The following POLE variants were observed in gnomAD, a reference collection of about 807,000 sequenced individuals.
The protein encoded by POLE is DNA polymerase epsilon catalytic subunit A.
Under a neutral mutation model 279.2 loss-of-function variants are expected in POLE, and 188 were observed. The ratio of observed to expected loss-of-function variants is 0.67; its 90% confidence interval spans 0.60 to 0.76. POLE has a LOEUF of 0.76. Ranked by LOEUF, POLE falls within the 30% of genes least tolerant of loss-of-function variation. The probability of loss-of-function intolerance (pLI) is 0.00; values close to 1 mark genes in which losing one functional copy is unlikely to be tolerated. For synonymous variants in POLE, 1,214 were observed against 1,172.5 expected, an observed-to-expected ratio of 1.04 and a Z score of -0.72; for missense variants, 2,703 against 3,016.7, an observed-to-expected ratio of 0.90 and a Z score of 2.44.
chr12:132,629,474 G>A lies in POLE; in HGVS notation c.6330+2841C>T, dbSNP rs543398560. ...CCCAGACAGATCTTCTGGAGAACTCGCTGCAGCCTCTCCACCCGCACCTGT... is the reference window on the plus strand; with the variant it reads ...CCCAGACAGATCTTCTGGAGAACTCACTGCAGCCTCTCCACCCGCACCTGT... On this transcript the variant is annotated intron_variant, in intron 45 of 48. Transcript: ENST00000320574. Among the ~76,000 whole-genome samples, 114 of 152,316 alleles carry A rather than the reference G, an allele frequency of 7.5e-4. 1 individual carries two copies. The highest frequency in any genetic ancestry group is 2.6e-3 in the African/African-American group (107 of 41,582).
Position 132,642,282 on chromosome 12 carries a change from C to G in POLE, c.5068G>C (p.Ala1690Pro), listed in dbSNP as rs757148947. The change falls in exon 38 of 49, where the codon GCC becomes CCC. Residue 1690 changes from alanine (A) to proline (P), a missense_variant. By Grantham distance (27) the Ala-to-Pro change is conservative (BLOSUM62 -1). This residue lies in a region of POLE where 1,551 missense variants were observed against 1,686.1 expected (regional missense o/e 0.92). Coordinates refer to ENST00000320574, the MANE Select transcript of POLE (RefSeq NM_006231.4). Reference sequence around the variant, plus strand: ...TCCTTTCCACCCAGGTCAGGGCGGGCTGTAGGGGACAGCCAGAGCAGGTGG... The same window carrying G: ...TCCTTTCCACCCAGGTCAGGGCGGGGTGTAGGGGACAGCCAGAGCAGGTGG... Reference protein sequence around the residue: ...HNHLLWLSPTARPDLGGKEAD... With the variant: ...HNHLLWLSPTPRPDLGGKEAD... 1 of 1,608,800 alleles carries G rather than the reference C, an allele frequency of 6.2e-7. No homozygotes were observed. Among genetic ancestry groups the G allele is most frequent in the Non-Finnish European group, 8.5e-7 (1 of 1,177,812 alleles).
At chr12:132,643,143 G>A in intron 35 of POLE, 81 bp downstream of exon 35, 1 of 1,507,944 alleles carries the variant, frequency 6.6e-7, no homozygotes, top group Non-Finnish European at 9.1e-7. Flanking sequence ...AGACCTGGAG[G>A]GCCTGGGCAC....
Position 132,682,066 on chromosome 12 carries a change from C to T in POLE, c.63-787G>A, listed in dbSNP as rs556052914. ...ATCCCAGCACCGTGGGAGGCCGAGG[C>T]GGGCGGATCACGAGGTGAGGAGATC... On this transcript the variant is annotated intron_variant, in intron 1 of 48. Transcript: ENST00000320574. Among the ~76,000 whole-genome samples the T allele has an allele frequency of 1.5e-3, 227 of 152,146 alleles. 1 individual carries two copies. Among genetic ancestry groups the T allele is most frequent in the Non-Finnish European group, 2.8e-3 (189 of 68,012 alleles).
At chr12:132,676,790 A>ACATC in intron 8 of POLE, 137 bp from the exon 9 acceptor site, 1 of 633,622 alleles carries the variant, frequency 1.6e-6, no homozygotes, top group Non-Finnish European at 2.8e-6. Context: ...GAAGGACCCT[A>ACATC]AGACTAACCA....
At chr12:132,650,135 G>A (rs2042390009) in intron 29 of POLE, 1 of 500,160 alleles carries the variant, frequency 2.0e-6, no homozygotes, top group Non-Finnish European at 3.6e-6. Flanking sequence ...CTTGAACCCA[G>A]GAGTTGGAGG....
intron 25 of POLE, 53 bp downstream of exon 25, chr12:132,660,916 T>C (rs2042663301): frequency 1.4e-6 from 2 of 1,452,964 alleles, no homozygotes; most frequent in South Asian, 2.7e-5. Flanking sequence ...GGTCCCCTTC[T>C]TGCTTCATCC....
rs929400701 is a variant in POLE, at chr12:132,624,509, C to T, written c.*188G>A. On this transcript the variant is annotated 3_prime_UTR_variant, in exon 49 of 49. Transcript: ENST00000320574. ...CGAGGCCAGGGCCACATCCTGCTCC[C>T]GCTCCCTCCTGTGACGTCTGAGCTC... is the stretch of plus-strand genomic sequence containing the variant. 2.6e-5 allele frequency: 16 copies of T among 607,010 alleles called. No homozygotes were observed. The highest frequency in any genetic ancestry group is 3.9e-5 in the South Asian group (2 of 51,520). The allele number at this position is 607,010 out of a possible 1,614,324, so 37.6% of individuals were successfully genotyped here.
At chr12:132,659,606 C>A in intron 25 of POLE, 97 bp from the exon 26 acceptor site, 1 of 999,532 alleles carries the variant, frequency 1.0e-6, no homozygotes. Flanking sequence ...CTTCTCTAGC[C>A]TGAGACGCAG....
In POLE at chr12:132,632,958, GAAGT is replaced by G. The variant is rs1291275666; in HGVS notation, c.6005-167_6005-164del. 34 of 691,712 alleles carry G rather than the reference GAAGT, an allele frequency of 4.9e-5. No homozygotes were observed. In the African/African-American group the frequency reaches 5.2e-4, roughly 11 times the overall value. The allele number at this position is 691,712 out of a possible 1,614,324, so 42.8% of individuals were successfully genotyped here. On this transcript the variant is annotated intron_variant, in intron 43 of 48. Transcript: ENST00000320574. ...TTAGATGAGCTAAAAGTAAATTAGA[GAAGT>G]GAGAAGTGGAAATGAGAAGGAACAC...
chr12:132,672,455 C>A, intron 15 of POLE, 133 bp from the exon 16 acceptor site: 1 of 1,006,776 alleles, frequency 9.9e-7, no homozygotes, highest in Admixed American at 1.9e-5. Flanking sequence ...GCACAATCTG[C>A]AGTGCACTGC....
At chr12:132,660,782 C>T (rs185488449) in intron 25 of POLE, 187 bp downstream of exon 25, 162 of 445,134 alleles carry the variant, frequency 3.6e-4, no homozygotes, top group Non-Finnish European at 5.2e-4. Context: ...AGAGTTGTGT[C>T]CCTGGATGCA....
Position 132,672,305 on chromosome 12 carries a change from G to C in POLE, c.1704C>G (p.Asp568Glu), listed in dbSNP as rs1202536047. The part of the protein sequence containing the change: ...CRFRMNPAAF[D>E]FLLQRVEKTL... Reference sequence around the variant, plus strand: ...TCTTCTCAACCCGCTGCAGCAGGAAGTCAAAGGCGGCAGGATTCTAGCACA... The same window carrying C: ...TCTTCTCAACCCGCTGCAGCAGGAACTCAAAGGCGGCAGGATTCTAGCACA... Residue 568 changes from aspartate to glutamate, a missense_variant, in exon 16 of 49, where the codon GAC becomes GAG. By Grantham distance (45) the Asp-to-Glu change is conservative. Coordinates refer to ENST00000320574, the MANE Select transcript of POLE (RefSeq NM_006231.4). 6.2e-6 allele frequency: 10 copies of C among 1,614,054 alleles called. No homozygotes were observed. Among genetic ancestry groups the C allele is most frequent in the Non-Finnish European group, 8.5e-6 (10 of 1,180,002 alleles).
intron 29 of POLE, among the ~76,000 whole-genome samples, chr12:132,651,906 G>C (rs754604751): frequency 6.6e-6 from 1 of 152,248 alleles, no homozygotes; most frequent in Non-Finnish European, 1.5e-5. Flanking sequence ...TCGGATACAC[G>C]AGTGCATTTA....
intron 29 of POLE, among the ~76,000 whole-genome samples, chr12:132,651,610 G>A (rs1022272751): frequency 1.3e-5 from 2 of 152,238 alleles, no homozygotes; most frequent in Non-Finnish European, 2.9e-5. Flanking sequence ...TTCACACCCT[G>A]TGTGACTCCT....
rs1025329670 is a variant in POLE at position 132,639,703 on chromosome 12, C to T, written c.5379-405G>A. On this transcript the variant is annotated intron_variant, in intron 39 of 48. Coordinates refer to ENST00000320574, the MANE Select transcript of POLE (RefSeq NM_006231.4). This position sits in a 1 kb window ranked among gnomAD's most constrained non-coding sequence, Gnocchi z 4.7. ...GCAGAGGCTCACGCCTGTAATCCCA[C>T]CACTTTGGGAGGCCGAGGCAGGTGG... Among the ~76,000 whole-genome samples, 1 of 152,112 alleles carries T rather than the reference C, an allele frequency of 6.6e-6. No individual in the cohort carries two copies. The highest frequency in any genetic ancestry group is 1.5e-5 in the Non-Finnish European group (1 of 68,010).
In POLE at chr12:132,668,738, C is replaced by G. The variant is rs753488768; in HGVS notation, c.1924-1G>C. ...TGGCTTCGTCCACCATGGCAGAGGGCTGGGAGGGGTGAGAAAGCACTTAGG... is the reference window on the plus strand; with the variant it reads ...TGGCTTCGTCCACCATGGCAGAGGGGTGGGAGGGGTGAGAAAGCACTTAGG... On this transcript the variant is annotated splice_acceptor_variant, in intron 17 of 48. Transcript: ENST00000320574. LOFTEE classifies it high-confidence loss of function. The surrounding 1 kb of genome is among the most constrained non-coding windows in gnomAD (Gnocchi z 4.0). 6.2e-7 allele frequency: 1 copy of G among 1,613,916 alleles called. No homozygotes were observed.
Position 132,677,633 on chromosome 12 carries a change from C to T in POLE, c.665G>A (p.Arg222His), listed in dbSNP as rs1060500862. The T allele has an allele frequency of 9.3e-6, 15 of 1,614,036 alleles. No homozygotes were observed. The highest frequency in any genetic ancestry group is 1.6e-4 in the Middle Eastern group (1 of 6,084). The change falls in exon 7 of 49, where the codon CGC becomes CAC. Residue 222 changes from arginine to histidine, a missense_variant. Arg to His is a conservative substitution (Grantham distance 29). Transcript: ENST00000320574. ...ADQLDNIVDM[R>H]EYDVPYHIRL... ...GATGTGGTAGGGAACATCGTACTCGCGCATGTCCACAATGTTGTCCAACTG... is the reference window on the plus strand; with the variant it reads ...GATGTGGTAGGGAACATCGTACTCGTGCATGTCCACAATGTTGTCCAACTG...
intron 1 of POLE, among the ~76,000 whole-genome samples, chr12:132,682,311 A>AAAAAAAT (rs1555230620): frequency 4.0e-5 from 3 of 74,378 alleles, no homozygotes; most frequent in African/African-American, 7.0e-5. Flanking sequence ...AAAATAAATA[A>AAAAAAAT]AAATAAATAA....
chr12:132,673,738 T>A, intron 12 of POLE, 31 bp from the exon 13 acceptor site: 3 of 1,611,324 alleles, frequency 1.9e-6, no homozygotes, highest in Non-Finnish European at 2.5e-6. Context: ...GAAGCCAGGA[T>A]GATTCTAACA....
Sources: gnomAD v4.1 joint callset for allele counts (sites outside exome capture counted in the v4.1 genomes callset) on GRCh38, gnomAD v4.1.1 for gene constraint, gnomAD v4.1.1 regional missense constraint, Gnocchi (gnomAD v3.1) non-coding constraint, MANE v1.5 for transcripts, NCBI Gene and HGNC (gene_info 2026-07-23, HGNC 2026-07-21) for gene names.